The following SLC24A4 variants were observed in gnomAD, a reference collection of about 807,000 sequenced individuals.
SLC24A4 encodes sodium/potassium/calcium exchanger 4.
A neutral mutation model predicts 79.0 loss-of-function variants in SLC24A4; 53 were observed. The observed-to-expected ratio is 0.67, with a 90% CI of 0.54 to 0.84. SLC24A4 has a LOEUF of 0.84. Ranked by LOEUF, SLC24A4 falls within the 40% of genes least tolerant of loss-of-function variation. The probability of loss-of-function intolerance (pLI) is 0.00; values close to 1 mark genes in which losing one functional copy is unlikely to be tolerated. For synonymous variants in SLC24A4, 323 were observed against 323.8 expected, an observed-to-expected ratio of 1.00 and a Z score of 0.03; for missense variants, 731 against 822.0, an observed-to-expected ratio of 0.89 and a Z score of 1.35.
At chr14:92,465,191 T>C (rs1383794027) in intron 12 of SLC24A4, among the ~76,000 whole-genome samples, 3 of 152,164 alleles carry the variant, frequency 2.0e-5, no homozygotes, top group Non-Finnish European at 4.4e-5. Flanking sequence ...GCTTGGTGCT[T>C]TTTGCATTTC....
intron 2 of SLC24A4, among the ~76,000 whole-genome samples, chr14:92,375,072 A>G (rs1888425769): frequency 6.6e-6 from 1 of 152,216 alleles, no homozygotes; most frequent in Admixed American, 6.5e-5. Flanking sequence ...AACATGATAA[A>G]TTAAACCAAA....
rs549093515 is a variant in SLC24A4, at chr14:92,346,810, G to A, written c.241+20832G>A. Among the ~76,000 whole-genome samples, 63 of 152,238 alleles carry A rather than the reference G, an allele frequency of 4.1e-4. No homozygotes were observed. In the South Asian group the frequency reaches 0.013, roughly 31 times the overall value. ...TCTGTGGGTGGACCTGGTCTGCAGT[G>A]GTTTTTACATTTCCCCCGGTGATCA... On this transcript the variant is annotated intron_variant, in intron 2 of 16. Transcript: ENST00000532405.
chr14:92,475,948 A>G (rs1382612429), intron 12 of SLC24A4, among the ~76,000 whole-genome samples: 1 of 152,200 alleles, frequency 6.6e-6, no homozygotes, highest in East Asian at 1.9e-4. Flanking sequence ...GGTCGGTTGA[A>G]GCACTGTTTC....
At chr14:92,365,706 T>C (rs1887796705) in intron 2 of SLC24A4, among the ~76,000 whole-genome samples, 2 of 152,218 alleles carry the variant, frequency 1.3e-5, no homozygotes, top group Non-Finnish European at 1.5e-5. Flanking sequence ...GGTGACTATA[T>C]TGGCCACTTA....
intron 2 of SLC24A4, among the ~76,000 whole-genome samples, chr14:92,379,057 G>A (rs1301943815): frequency 6.6e-6 from 1 of 152,032 alleles, no homozygotes; most frequent in Non-Finnish European, 1.5e-5. Context: ...GGGAGACCCT[G>A]CCTCTAAAAT....
chr14:92,394,911 A>T (rs1286593659), intron 2 of SLC24A4, among the ~76,000 whole-genome samples: 2 of 152,144 alleles, frequency 1.3e-5, no homozygotes, highest in Non-Finnish European at 2.9e-5. Context: ...GCTTCCCAGC[A>T]CGTTTCCCAC....
chr14:92,396,877 A>G (rs765485293), intron 2 of SLC24A4, among the ~76,000 whole-genome samples: 30 of 152,148 alleles, frequency 2.0e-4, no homozygotes, highest in Non-Finnish European at 4.0e-4. Flanking sequence ...ACTCCCTCCC[A>G]CAAGACTTGC....
intron 2 of SLC24A4, among the ~76,000 whole-genome samples, chr14:92,392,912 T>C (rs1417599634): frequency 6.6e-6 from 1 of 151,802 alleles, no homozygotes; most frequent in Admixed American, 6.6e-5. Flanking sequence ...GGAGGCATCA[T>C]CTATGAGGAA....
At chr14:92,335,597 A>G (rs1010960171) in intron 2 of SLC24A4, among the ~76,000 whole-genome samples, 56 of 151,934 alleles carry the variant, frequency 3.7e-4, no homozygotes, top group Non-Finnish European at 6.9e-4. Context: ...TCCTGACCTC[A>G]GGTGATCCAC....
In SLC24A4 at chr14:92,435,079, A is replaced by G. The variant is rs925310444; in HGVS notation, c.318+1091A>G. On this transcript the variant is annotated intron_variant, in intron 3 of 16. Coordinates refer to ENST00000532405, the MANE Select transcript of SLC24A4 (RefSeq NM_153646.4). Reference sequence around the variant, plus strand: ...GTGAGCCACCGTCCCCGGCCCACTTAAAGTATTTTAAACTTAAAATGGGCT... The same window carrying G: ...GTGAGCCACCGTCCCCGGCCCACTTGAAGTATTTTAAACTTAAAATGGGCT... 2.6e-5 allele frequency among the ~76,000 whole-genome samples: 4 copies of G among 152,160 alleles called. No individual in the cohort carries two copies. In the East Asian group the frequency reaches 7.7e-4, roughly 29 times the overall value.
At chr14:92,468,934 GTC>G (rs779542061) in intron 12 of SLC24A4, among the ~76,000 whole-genome samples, 3,697 of 26,740 alleles carry the variant, frequency 0.14, 72 homozygotes, top group South Asian at 0.21. Context: ...GTGTGTGTGT[GTC>G]ACTTAAAACT....
intron 11 of SLC24A4, among the ~76,000 whole-genome samples, chr14:92,454,501 G>C (rs1893339666): frequency 6.6e-6 from 1 of 151,936 alleles, no homozygotes; most frequent in African/African-American, 2.4e-5. Flanking sequence ...GTTTAAATGG[G>C]GTGCTTTTAT....
intron 12 of SLC24A4, among the ~76,000 whole-genome samples, chr14:92,469,722 A>G (rs1894331954): frequency 6.6e-6 from 1 of 152,224 alleles, no homozygotes; most frequent in African/African-American, 2.4e-5. Flanking sequence ...ATAATAGAAT[A>G]TTAGTCAGCC....
At chr14:92,455,946 C>G (rs905528360) in intron 11 of SLC24A4, among the ~76,000 whole-genome samples, 10 of 152,154 alleles carry the variant, frequency 6.6e-5, no homozygotes, top group African/African-American at 2.4e-4. Context: ...AGTGATCCAC[C>G]CACCTCGGCC....
At chr14:92,356,902 G>A (rs956328299) in intron 2 of SLC24A4, among the ~76,000 whole-genome samples, 2 of 152,216 alleles carry the variant, frequency 1.3e-5, no homozygotes, top group Non-Finnish European at 2.9e-5. Flanking sequence ...GCAGGACAGA[G>A]GATGTGCTTT....
intron 12 of SLC24A4, among the ~76,000 whole-genome samples, chr14:92,460,802 G>C (rs1363724035): frequency 6.6e-6 from 1 of 152,184 alleles, no homozygotes; most frequent in Non-Finnish European, 1.5e-5. Context: ...GCCACAGCCT[G>C]CTCCCTCCTC....
Position 92,480,313 on chromosome 14 carries a change from G to C in SLC24A4, c.1256-2367G>C. Reference sequence around the variant, plus strand: ...TTTTTTTTTTTTTTTTTGAGATGGAGTCTTGCTCTGTCGCCCAGGCCGAAC... The same window carrying C: ...TTTTTTTTTTTTTTTTTGAGATGGACTCTTGCTCTGTCGCCCAGGCCGAAC... On this transcript the variant is annotated intron_variant, in intron 12 of 16. Coordinates refer to ENST00000532405, the MANE Select transcript of SLC24A4 (RefSeq NM_153646.4). 8.4e-5 allele frequency among the ~76,000 whole-genome samples: 2 copies of C among 23,796 alleles called. 1 individual carries two copies. The highest frequency in any genetic ancestry group is 1.9e-4 in the Non-Finnish European group (2 of 10,380). 15.6% of individuals were successfully genotyped at this position (23,796 alleles called of 152,430 possible).
At chr14:92,383,514 A>G (rs1888968237) in intron 2 of SLC24A4, among the ~76,000 whole-genome samples, 2 of 152,058 alleles carry the variant, frequency 1.3e-5, no homozygotes, top group Admixed American at 1.3e-4. Context: ...CCTCCTTTGG[A>G]ATATTGCCTG....
intron 12 of SLC24A4, among the ~76,000 whole-genome samples, chr14:92,474,663 GTGTGTATATATATATATACACATATATA>G (rs1264402170): frequency 6.0e-5 from 1 of 16,756 alleles, no homozygotes; most frequent in African/African-American, 7.2e-5. Flanking sequence ...TTTTGTGTGT[GTGTGTATATATATATATACACATATATA>G]TGTATATATA....
Sources: allele counts gnomAD v4.1 joint callset (sites outside exome capture counted in the v4.1 genomes callset), GRCh38; gene constraint gnomAD v4.1.1; transcripts MANE v1.5; gene names NCBI Gene and HGNC (gene_info 2026-07-23, HGNC 2026-07-21).